The following KAZN variants were observed in gnomAD, a reference collection of about 807,000 sequenced individuals.
The protein encoded by KAZN is kazrin.
KAZN carries 40 observed loss-of-function variants against 87.4 expected under a neutral mutation model. That is an observed-to-expected ratio of 0.46 (90% CI 0.36 to 0.60). The LOEUF is 0.60. Ranked by LOEUF, KAZN falls within the 20% of genes least tolerant of loss-of-function variation. The pLI is 0.00. For synonymous variants in KAZN, 466 were observed against 458.3 expected (o/e 1.02, Z -0.22); for missense variants, 898 against 1,073.9 (o/e 0.84, Z 2.29).
rs920615419 is a variant in KAZN at position 15,081,440 on chromosome 1, G to A, written c.1223-12740G>A. Among the ~76,000 whole-genome samples the A allele has an allele frequency of 2.0e-5, 3 of 152,214 alleles. No individual in the cohort carries two copies. Among genetic ancestry groups the A allele is most frequent in the South Asian group, 2.1e-4 (1 of 4,828 alleles). On this transcript the variant is annotated intron_variant, in intron 8 of 14. Coordinates refer to ENST00000376030, the MANE Select transcript of KAZN (RefSeq NM_201628.3). This position sits in a 1 kb window ranked among gnomAD's most constrained non-coding sequence, Gnocchi z 4.1. The stretch of plus-strand genomic sequence containing the variant: ...TCTAGGGAGCAAAACCAGGCCCAGC[G>A]CCTGCTCATGTGCAGTTTATGGTCT...
intron 2 of KAZN, among the ~76,000 whole-genome samples, chr1:14,974,408 A>G (rs1445476232): frequency 1.3e-5 from 2 of 152,232 alleles, no homozygotes; most frequent in African/African-American, 4.8e-5. Flanking sequence ...AGGGGATTGT[A>G]GGTACTATAT....
chr1:14,534,562 T>C (rs1260236179), intron 2 of KAZN, among the ~76,000 whole-genome samples: 1 of 152,038 alleles, frequency 6.6e-6, no homozygotes, highest in African/African-American at 2.4e-5. Context: ...GGAGAATCAC[T>C]TGAACCCAGG....
intron 1 of KAZN, among the ~76,000 whole-genome samples, chr1:14,088,568 G>A: frequency 6.6e-6 from 1 of 151,816 alleles, no homozygotes; most frequent in East Asian, 1.9e-4. Context: ...ATCTATTTTG[G>A]TAAATATTCC....
chr1:14,181,948 G>A (rs935009251), intron 2 of KAZN, among the ~76,000 whole-genome samples: 1 of 152,044 alleles, frequency 6.6e-6, no homozygotes, highest in Admixed American at 6.5e-5. Context: ...ACTGAAAAAA[G>A]TGCATATTTT....
intron 2 of KAZN, among the ~76,000 whole-genome samples, chr1:14,470,916 G>C (rs908102748): frequency 6.6e-6 from 1 of 152,118 alleles, no homozygotes; most frequent in Non-Finnish European, 1.5e-5. Flanking sequence ...CATTTGCTCT[G>C]GGGGGAGCCA....
chr1:14,269,718 C>G (rs1651774441), intron 2 of KAZN, among the ~76,000 whole-genome samples: 2 of 152,026 alleles, frequency 1.3e-5, no homozygotes, highest in Admixed American at 1.3e-4. Context: ...AAATGTAACT[C>G]CAAGGTGGGC....
At chr1:15,079,742 G>A (rs887459746) in intron 8 of KAZN, among the ~76,000 whole-genome samples, 1 of 152,204 alleles carries the variant, frequency 6.6e-6, no homozygotes, top group Non-Finnish European at 1.5e-5. Flanking sequence ...TCAGAAAAGA[G>A]GAGTCAGTGT....
At chr1:14,964,336 T>C (rs910946726) in intron 2 of KAZN, among the ~76,000 whole-genome samples, 1 of 151,256 alleles carries the variant, frequency 6.6e-6, no homozygotes, top group Non-Finnish European at 1.5e-5. Context: ...GTGCATGGCC[T>C]GGTGTGTAGT....
Position 14,599,131 on chromosome 1 carries a change from G to A in KAZN, c.134G>A (p.Gly45Asp). Residue 45 changes from glycine to aspartate, a missense_variant, in exon 1 of 15, where the codon GGC (glycine) becomes GAC (aspartate). This residue lies in a region of KAZN where 250 missense variants were observed against 263.0 expected (regional missense o/e 0.95). Coordinates refer to ENST00000376030, the MANE Select transcript of KAZN (RefSeq NM_201628.3). This position sits in a 1 kb window ranked among gnomAD's most constrained non-coding sequence, Gnocchi z 4.4. ...CTGGCGGAACTGAGCGGCGGCGGCG[G>A]CCCCGGCCCGGGCCCGGGAGCCGCG... ...RRLAELSGGG[G>D]PGPGPGAAAS... 1 of 1,496,204 alleles carries A rather than the reference G, an allele frequency of 6.7e-7. No individual in the cohort carries two copies. 92.7% of individuals were successfully genotyped at this position (1,496,204 alleles called of 1,614,324 possible).
intron 1 of KAZN, among the ~76,000 whole-genome samples, chr1:13,906,648 A>G (rs996695523): frequency 6.6e-6 from 1 of 152,196 alleles, no homozygotes; most frequent in Non-Finnish European, 1.5e-5. Context: ...CCATTCTGAC[A>G]GCCAGAACTG....
At chr1:15,108,727 C>A (rs2100735263) in intron 13 of KAZN, among the ~76,000 whole-genome samples, 1 of 152,324 alleles carries the variant, frequency 6.6e-6, no homozygotes, top group African/African-American at 2.4e-5. Context: ...CCTTCCTGCA[C>A]CATGATGCCT....
chr1:14,230,999 AT>A (rs1198652582), intron 2 of KAZN, among the ~76,000 whole-genome samples: 1 of 152,178 alleles, frequency 6.6e-6, no homozygotes, highest in East Asian at 1.9e-4. Flanking sequence ...GTCCCCCTTC[AT>A]GAGTTCCTTG....
chr1:14,512,301 T>C (rs1489547990), intron 2 of KAZN, among the ~76,000 whole-genome samples: 1 of 152,134 alleles, frequency 6.6e-6, no homozygotes, highest in African/African-American at 2.4e-5. Context: ...GCACTATTGA[T>C]ATTTGGGGCT....
rs575934662 is a variant in KAZN at position 14,691,308 on chromosome 1, A to T, written c.226+92085A>T. 7.2e-5 allele frequency among the ~76,000 whole-genome samples: 11 copies of T among 152,344 alleles called. No homozygotes were observed. The South Asian group carries it at 2.3e-3, about 32-fold the overall frequency. On this transcript the variant is annotated intron_variant, in intron 1 of 14. Coordinates refer to ENST00000376030, the MANE Select transcript of KAZN (RefSeq NM_201628.3). ...AAAGTGAACCCAGTAAGATACAAGC[A>T]GTATGTACACTATGATTCCACACAT... is the stretch of plus-strand genomic sequence containing the variant.
At chr1:14,668,708 C>T (rs1477911976) in intron 1 of KAZN, among the ~76,000 whole-genome samples, 1 of 152,154 alleles carries the variant, frequency 6.6e-6, no homozygotes, top group African/African-American at 2.4e-5. Flanking sequence ...CTCCCCAGGC[C>T]TCCGTAAGGT....
At chr1:15,110,549 TTGTGTG>T (rs71000365) in intron 13 of KAZN, among the ~76,000 whole-genome samples, 1 of 147,962 alleles carries the variant, frequency 6.8e-6, no homozygotes, top group African/African-American at 2.6e-5. Flanking sequence ...GCATATGTGT[TTGTGTG>T]TGTGTGTGTG....
At chr1:14,061,688 T>A (rs967072830) in intron 1 of KAZN, among the ~76,000 whole-genome samples, 2 of 152,242 alleles carry the variant, frequency 1.3e-5, no homozygotes, top group African/African-American at 4.8e-5. Flanking sequence ...TGCCCATCTT[T>A]TTCATCACAG....
chr1:14,220,655 A>G (rs1647076380), intron 2 of KAZN, among the ~76,000 whole-genome samples: 1 of 152,150 alleles, frequency 6.6e-6, no homozygotes, highest in Non-Finnish European at 1.5e-5. Context: ...CAGGCACTTT[A>G]TACTGCTAGC....
At chr1:14,362,424 CTT>C in intron 2 of KAZN, among the ~76,000 whole-genome samples, 1 of 152,300 alleles carries the variant, frequency 6.6e-6, no homozygotes, top group African/African-American at 2.4e-5. Context: ...ACATTGCAAT[CTT>C]ATGTGACACA....
Sources: allele counts gnomAD v4.1 joint callset (sites outside exome capture counted in the v4.1 genomes callset), GRCh38; gene constraint gnomAD v4.1.1; regional missense constraint gnomAD v4.1.1; non-coding constraint Gnocchi (gnomAD v3.1); transcripts MANE v1.5; gene names NCBI Gene and HGNC (gene_info 2026-07-23, HGNC 2026-07-21).